Variants in NTM observed in about 807,000 individuals in gnomAD.
The protein encoded by NTM is neurotrimin, also known as IgLON family member 2.
Under a neutral mutation model 42.1 loss-of-function variants are expected in NTM, and 13 were observed. The observed-to-expected ratio is 0.31, with a 90% CI of 0.20 to 0.49. The LOEUF (loss-of-function observed/expected upper bound fraction) is 0.49, where lower values mean the gene tolerates loss of function less well. Ranked by LOEUF, NTM falls within the 20% of genes least tolerant of loss-of-function variation. The probability of loss-of-function intolerance (pLI) is 0.99; values close to 1 mark genes in which losing one functional copy is unlikely to be tolerated. For missense variants in NTM, 373 were observed against 452.8 expected (o/e 0.82, Z 1.60); for synonymous variants, 187 against 179.2 (o/e 1.04, Z -0.35).
At chr11:131,584,931 A>T (rs2058722795) in intron 1 of NTM, among the ~76,000 whole-genome samples, 1 of 151,708 alleles carries the variant, frequency 6.6e-6, no homozygotes, top group Non-Finnish European at 1.5e-5. Flanking sequence ...AAGAATAGGG[A>T]ACGATGGTGG....
intron 2 of NTM, among the ~76,000 whole-genome samples, chr11:132,010,252 C>A (rs1407983750): frequency 6.6e-6 from 1 of 152,202 alleles, no homozygotes; most frequent in African/African-American, 2.4e-5. Context: ...CTGAGTTCTT[C>A]AAACTCAACT....
At chr11:131,681,506 TG>T (rs2072861882) in intron 1 of NTM, among the ~76,000 whole-genome samples, 1 of 5,572 alleles carries the variant, frequency 1.8e-4, no homozygotes, top group Non-Finnish European at 2.6e-4. Flanking sequence ...TGTGTGAGCA[TG>T]TGTTTCTGTG....
At chr11:131,628,764 C>A (rs1400752437) in intron 1 of NTM, among the ~76,000 whole-genome samples, 2 of 152,238 alleles carry the variant, frequency 1.3e-5, no homozygotes, top group African/African-American at 2.4e-5. Flanking sequence ...CTGTAAGACA[C>A]TAAACGGTGG....
At chr11:131,777,467 G>A (rs1402806067) in intron 1 of NTM, among the ~76,000 whole-genome samples, 3 of 115,162 alleles carry the variant, frequency 2.6e-5, no homozygotes, top group African/African-American at 3.6e-5. Flanking sequence ...CAATCCTAGT[G>A]TGAGTCTACC....
chr11:131,766,181 C>T (rs1477679061), intron 1 of NTM, among the ~76,000 whole-genome samples: 1 of 152,174 alleles, frequency 6.6e-6, no homozygotes, highest in Admixed American at 6.5e-5. Flanking sequence ...GGAAGAATGA[C>T]CACTTGCTCT....
At chr11:132,165,377 G>A (rs991020685) in intron 3 of NTM, among the ~76,000 whole-genome samples, 3 of 152,084 alleles carry the variant, frequency 2.0e-5, no homozygotes, top group Admixed American at 6.6e-5. Context: ...CGTCACTCAC[G>A]ATTCCCCATC....
intron 1 of NTM, among the ~76,000 whole-genome samples, chr11:131,777,282 G>T (rs574026386): frequency 6.6e-4 from 101 of 152,180 alleles, no homozygotes; most frequent in African/African-American, 2.2e-3. Context: ...ACATTCACAC[G>T]CATGCAGATA....
At chr11:132,230,128 A>G (rs900763927) in intron 4 of NTM, among the ~76,000 whole-genome samples, 2 of 152,226 alleles carry the variant, frequency 1.3e-5, no homozygotes, top group African/African-American at 4.8e-5. Context: ...AGCTTTTAAG[A>G]GAGAGGAAGC....
At chr11:131,705,519 T>G (rs970397799) in intron 1 of NTM, among the ~76,000 whole-genome samples, 1 of 152,118 alleles carries the variant, frequency 6.6e-6, no homozygotes, top group African/African-American at 2.4e-5. Context: ...ACAATATAAA[T>G]GAATAAAACT....
intron 4 of NTM, among the ~76,000 whole-genome samples, chr11:132,221,102 C>G (rs1164835385): frequency 6.6e-6 from 1 of 152,158 alleles, no homozygotes; most frequent in African/African-American, 2.4e-5. Context: ...TGAAAACGTC[C>G]ATATCACTAG....
At chr11:132,247,625 A>G (rs2091368157) in intron 4 of NTM, among the ~76,000 whole-genome samples, 1 of 152,138 alleles carries the variant, frequency 6.6e-6, no homozygotes, top group South Asian at 2.1e-4. Context: ...AATATCATCA[A>G]AAGGAAGTAT....
chr11:131,892,669 G>A (rs943123343), intron 1 of NTM, among the ~76,000 whole-genome samples: 7 of 152,198 alleles, frequency 4.6e-5, no homozygotes, highest in African/African-American at 1.7e-4. Flanking sequence ...ATTTAAAGAC[G>A]CTGCTGCCTC....
intron 2 of NTM, among the ~76,000 whole-genome samples, chr11:131,923,190 T>C (rs2057469294): frequency 6.6e-6 from 1 of 152,186 alleles, no homozygotes; most frequent in Non-Finnish European, 1.5e-5. Context: ...GTTATTTATG[T>C]ATGTCTTCTG....
intron 2 of NTM, among the ~76,000 whole-genome samples, chr11:131,949,247 T>C (rs552537582): frequency 2.0e-5 from 3 of 152,386 alleles, no homozygotes; most frequent in African/African-American, 4.8e-5. Context: ...ATCATTCATC[T>C]ATTGATTGAC....
intron 4 of NTM, among the ~76,000 whole-genome samples, chr11:132,262,333 G>A (rs1250261339): frequency 6.6e-6 from 1 of 152,192 alleles, no homozygotes; most frequent in Non-Finnish European, 1.5e-5. Flanking sequence ...TTACCCAAGG[G>A]TGGGACTTTT....
chr11:132,261,057 C>A (rs1303638068), intron 4 of NTM, among the ~76,000 whole-genome samples: 2 of 152,202 alleles, frequency 1.3e-5, no homozygotes, highest in Non-Finnish European at 2.9e-5. Context: ...CACGGTCATG[C>A]ACATGTCTGT....
chr11:131,728,591 C>T (rs181767028), intron 1 of NTM, among the ~76,000 whole-genome samples: 1 of 152,274 alleles, frequency 6.6e-6, no homozygotes, highest in African/African-American at 2.4e-5. Flanking sequence ...CCATTTATGC[C>T]AGTGTTCCAT....
At chr11:132,047,647 C>G (rs1356985143) in intron 2 of NTM, among the ~76,000 whole-genome samples, 1 of 152,242 alleles carries the variant, frequency 6.6e-6, no homozygotes, top group Admixed American at 6.5e-5. Context: ...AGCCATAGCT[C>G]TGTTCTTGAC....
At chr11:132,223,827 C>T (rs562078843) in intron 4 of NTM, among the ~76,000 whole-genome samples, 12 of 152,198 alleles carry the variant, frequency 7.9e-5, no homozygotes, top group East Asian at 3.9e-4. Context: ...AGGCCAATGG[C>T]GGGGGTAGCT....
Sources: gnomAD v4.1 joint callset for allele counts (sites outside exome capture counted in the v4.1 genomes callset) on GRCh38, gnomAD v4.1.1 for gene constraint, MANE v1.5 for transcripts, NCBI Gene and HGNC (gene_info 2026-07-23, HGNC 2026-07-21) for gene names.